AGMO: variants seen among roughly 807,000 people sequenced by gnomAD.
The protein encoded by AGMO is alkylglycerol monooxygenase.
A neutral mutation model predicts 60.2 loss-of-function variants in AGMO; 75 were observed. That is an observed-to-expected ratio of 1.25 (90% CI 1.03 to 1.51). The LOEUF is 1.51. Among genes scored for constraint, AGMO ranks in the 40% most tolerant of loss-of-function variants. AGMO has a pLI of 0.00. For synonymous variants in AGMO, 261 were observed against 177.1 expected (o/e 1.47, Z -3.76); for missense variants, 763 against 525.5 (o/e 1.45, Z -4.42).
intron 3 of AGMO, among the ~76,000 whole-genome samples, chr7:15,487,596 A>C (rs749304733): frequency 6.6e-6 from 1 of 152,144 alleles, no homozygotes; most frequent in Non-Finnish European, 1.5e-5. Context: ...TAAATGTTTC[A>C]AACTCCCTAA....
intron 4 of AGMO, among the ~76,000 whole-genome samples, chr7:15,421,403 G>A (rs1780919310): frequency 6.6e-6 from 1 of 152,036 alleles, no homozygotes; most frequent in Admixed American, 6.6e-5. Flanking sequence ...TTGGGCATAA[G>A]GAAACAATTC....
At chr7:15,139,394 T>C in the AGMO span, among the ~76,000 whole-genome samples, 1 of 152,162 alleles carries the variant, frequency 6.6e-6, no homozygotes, top group Non-Finnish European at 1.5e-5. Flanking sequence ...CCAGGGGACA[T>C]GTGCAGGTTC....
intron 12 of AGMO, among the ~76,000 whole-genome samples, chr7:15,296,531 CT>C: frequency 6.6e-6 from 1 of 152,142 alleles, no homozygotes; most frequent in Admixed American, 6.5e-5. Context: ...GACAGCCACT[CT>C]TTTCTCACCT....
At chr7:15,174,760 ACTAGCTAAT>A in the AGMO span, among the ~76,000 whole-genome samples, 53,697 of 151,630 alleles carry the variant, frequency 0.35, 10,463 homozygotes, top group Middle Eastern at 0.46. Context: ...GTGGAAAAAG[ACTAGCTAAT>A]ACATTCCAAA....
chr7:15,342,456 T>C (rs904067579), intron 12 of AGMO, among the ~76,000 whole-genome samples: 1 of 151,944 alleles, frequency 6.6e-6, no homozygotes, highest in Non-Finnish European at 1.5e-5. Context: ...ACTTCATTGG[T>C]AAACTCCCCA....
intron 12 of AGMO, among the ~76,000 whole-genome samples, chr7:15,310,137 C>T (rs758502623): frequency 2.6e-5 from 4 of 152,160 alleles, no homozygotes; most frequent in Non-Finnish European, 5.9e-5. Flanking sequence ...GTGAGGCTGA[C>T]GAACTTGGCA....
intron 10 of AGMO, among the ~76,000 whole-genome samples, chr7:15,381,186 A>G (rs1355282281): frequency 2.0e-5 from 3 of 152,182 alleles, no homozygotes; most frequent in African/African-American, 7.2e-5. Flanking sequence ...AATGGGATCT[A>G]ATTAAACTGA....
chr7:15,537,338 C>T (rs894738454), intron 3 of AGMO, among the ~76,000 whole-genome samples: 27 of 152,050 alleles, frequency 1.8e-4, no homozygotes, highest in African/African-American at 6.5e-4. Flanking sequence ...CGGTGGTGCA[C>T]ACCTAGATCT....
intron 3 of AGMO, among the ~76,000 whole-genome samples, chr7:15,439,750 T>C (rs916175510): frequency 1.3e-4 from 20 of 152,198 alleles, no homozygotes; most frequent in Non-Finnish European, 2.9e-4. Context: ...ACCATTATAT[T>C]AGTTATGTAT....
chr7:15,489,205 C>T (rs1236280955), intron 3 of AGMO, among the ~76,000 whole-genome samples: 1 of 151,964 alleles, frequency 6.6e-6, no homozygotes, highest in Admixed American at 6.6e-5. Context: ...AAAGTGACAA[C>T]AAAATAACAA....
chr7:15,335,514 C>A (rs1227667322), intron 12 of AGMO, among the ~76,000 whole-genome samples: 2 of 152,070 alleles, frequency 1.3e-5, no homozygotes, highest in African/African-American at 4.8e-5. Flanking sequence ...CTAGATTCCA[C>A]CGGAAAATAT....
At chr7:15,450,147 G>A (rs1316566878) in intron 3 of AGMO, among the ~76,000 whole-genome samples, 4 of 152,070 alleles carry the variant, frequency 2.6e-5, no homozygotes, top group Non-Finnish European at 2.9e-5. Flanking sequence ...AGGGCCGGGC[G>A]CGGTGGCTCA....
intron 12 of AGMO, among the ~76,000 whole-genome samples, chr7:15,338,404 G>A (rs1781730024): frequency 2.6e-5 from 4 of 152,010 alleles, no homozygotes; most frequent in Admixed American, 2.6e-4. Flanking sequence ...TCAAATTATT[G>A]TTAAACAAAA....
chr7:15,268,699 T>C (rs1783507642), intron 12 of AGMO, among the ~76,000 whole-genome samples: 1 of 151,944 alleles, frequency 6.6e-6, no homozygotes, highest in Admixed American at 6.6e-5. Flanking sequence ...TTGTTCTTTT[T>C]TTAAAAAAAG....
At position 15,200,942 on chromosome 7, in the gene AGMO, G is replaced by C. The variant is rs1781261022; in HGVS notation, c.*343C>G. 5.7e-6 allele frequency: 1 copy of C among 176,458 alleles called. No homozygotes were observed. The highest frequency in any genetic ancestry group is 1.2e-5 in the Non-Finnish European group (1 of 84,854). 10.9% of individuals were successfully genotyped at this position (176,458 alleles called of 1,614,324 possible). On this transcript the variant is annotated 3_prime_UTR_variant, in exon 13 of 13. Coordinates refer to ENST00000342526, the MANE Select transcript of AGMO (RefSeq NM_001004320.2). ...TTTAGCAAACATCAAAGGAAACATT[G>C]TTTTCAAATTGATGTAAAGGCAATA... is the stretch of plus-strand genomic sequence containing the variant.
chr7:15,370,984 T>A (rs1371071045), intron 10 of AGMO, among the ~76,000 whole-genome samples: 1 of 152,156 alleles, frequency 6.6e-6, no homozygotes, highest in Non-Finnish European at 1.5e-5. Flanking sequence ...TCCAGAATGA[T>A]CTTCAACAAA....
At chr7:15,204,269 C>T (rs1781384083) in intron 12 of AGMO, among the ~76,000 whole-genome samples, 1 of 152,064 alleles carries the variant, frequency 6.6e-6, no homozygotes, top group Non-Finnish European at 1.5e-5. Flanking sequence ...GTAGTCACTC[C>T]ATTTAAAATT....
the AGMO span, among the ~76,000 whole-genome samples, chr7:15,142,401 G>A: frequency 6.6e-6 from 1 of 152,120 alleles, no homozygotes; most frequent in East Asian, 1.9e-4. Flanking sequence ...GTACAGCTCT[G>A]AAGAGGTTCT....
intron 5 of AGMO, among the ~76,000 whole-genome samples, chr7:15,407,587 A>C (rs558652803): frequency 6.6e-6 from 1 of 151,894 alleles, no homozygotes; most frequent in African/African-American, 2.4e-5. Context: ...AGAATATGTT[A>C]AGTAAGGTAT....
Sources: allele counts gnomAD v4.1 joint callset (sites outside exome capture counted in the v4.1 genomes callset), GRCh38; gene constraint gnomAD v4.1.1; transcripts MANE v1.5; gene names NCBI Gene and HGNC (gene_info 2026-07-23, HGNC 2026-07-21).